The following HTR2A variants were observed in gnomAD, a reference collection of about 807,000 sequenced individuals.
The protein encoded by HTR2A is 5-hydroxytryptamine receptor 2A.
In HTR2A, 14 loss-of-function variants were observed where a neutral mutation model predicts 31.0. The observed-to-expected ratio is 0.45, with a 90% CI of 0.30 to 0.71. The LOEUF (loss-of-function observed/expected upper bound fraction) is 0.71, where lower values mean the gene tolerates loss of function less well. HTR2A is among the 30% of genes least tolerant of loss of function. The pLI is 0.09. For synonymous variants in HTR2A, 209 were observed against 225.2 expected (o/e 0.93, Z 0.64); for missense variants, 442 against 573.3 (o/e 0.77, Z 2.34).
chr13:46,831,610 T>A lies in HTR2A; in HGVS notation c.*3227A>T, dbSNP rs1412566048. On this transcript the variant is annotated 3_prime_UTR_variant, in exon 4 of 4. Transcript: ENST00000542664. ...TTCTTGAAAACTTTTAGCATCGCCT[T>A]GATTAAAATAAGTTCATAAAATAAT... 6.6e-6 allele frequency: 1 copy of A among 152,254 alleles called. No individual in the cohort carries two copies. Among genetic ancestry groups the A allele is most frequent in the Non-Finnish European group, 1.5e-5 (1 of 68,040 alleles). 9.4% of individuals were successfully genotyped at this position (152,254 alleles called of 1,614,324 possible).
chr13:46,839,489 C>T (rs1950583118), intron 3 of HTR2A, among the ~76,000 whole-genome samples: 1 of 152,166 alleles, frequency 6.6e-6, no homozygotes, highest in African/African-American at 2.4e-5. Context: ...ATCTCTAGGG[C>T]ATTAATTATC....
intron 3 of HTR2A, among the ~76,000 whole-genome samples, chr13:46,838,652 G>A (rs536964573): frequency 2.6e-5 from 4 of 152,118 alleles, no homozygotes; most frequent in Non-Finnish European, 2.9e-5. Context: ...GGGTGACGCC[G>A]GGTCTTAATC....
rs535930085 is a variant in HTR2A at position 46,858,742 on chromosome 13, C to T, written c.614-23103G>A. Among the ~76,000 whole-genome samples the T allele has an allele frequency of 3.3e-5, 5 of 152,238 alleles. No homozygotes were observed. In the South Asian group the frequency reaches 8.3e-4, roughly 25 times the overall value. On this transcript the variant is annotated intron_variant, in intron 3 of 3. Coordinates refer to ENST00000542664, the MANE Select transcript of HTR2A (RefSeq NM_000621.5). The stretch of plus-strand genomic sequence containing the variant: ...AGGGATACCGAGGTGGCAGAAATGA[C>T]AGCTATAGCCATGGACTAAATGTGG...
intron 3 of HTR2A, among the ~76,000 whole-genome samples, chr13:46,865,122 G>A (rs548311051): frequency 3.3e-5 from 5 of 152,078 alleles, no homozygotes; most frequent in South Asian, 2.1e-4. Flanking sequence ...TCCTTCCTCC[G>A]GATCTTGGTG....
chr13:46,845,881 G>A (rs1034020591), intron 3 of HTR2A, among the ~76,000 whole-genome samples: 3 of 152,138 alleles, frequency 2.0e-5, no homozygotes, highest in Non-Finnish European at 2.9e-5. Context: ...ATCAGACTGC[G>A]CACACAACAG....
At position 46,834,316 on chromosome 13, in the gene HTR2A, T is replaced by G. The variant is rs1343572147; in HGVS notation, c.*521A>C. On this transcript the variant is annotated 3_prime_UTR_variant, in exon 4 of 4. Coordinates refer to ENST00000542664, the MANE Select transcript of HTR2A (RefSeq NM_000621.5). ...GTATTTCATTTAATTATCTTAGCAA[T>G]ACAGATTTTATAACACTGACCTTAG... is the stretch of plus-strand genomic sequence containing the variant. 1.3e-5 allele frequency: 2 copies of G among 152,744 alleles called. No homozygotes were observed. The highest frequency in any genetic ancestry group is 6.5e-5 in the Admixed American group (1 of 15,280). The allele number at this position is 152,744 out of a possible 1,614,324, so 9.5% of individuals were successfully genotyped here. A position where few individuals can be genotyped will look rare whatever the true frequency, so the allele number is the denominator to read the frequency against.
In HTR2A at chr13:46,895,865, A is replaced by T; in HGVS notation, c.42T>A (p.Thr14=). ...CATTTAATTGCATTAGGGAGTTCGT[A>T]GTTGAGCTCAAAGAAGTATTTTCTT... The part of the protein sequence containing the change: ...LCEENTSLSS[T]TNSLMQLNDD... The change falls in exon 2 of 4, where the codon ACT becomes ACA. Residue 14 remains threonine, a synonymous_variant. Coordinates refer to ENST00000542664, the MANE Select transcript of HTR2A (RefSeq NM_000621.5). The surrounding 1 kb of genome is among the most constrained non-coding windows in gnomAD (Gnocchi z 4.4). The T allele has an allele frequency of 6.2e-7, 1 of 1,613,268 alleles. No homozygotes were observed.
chr13:46,870,918 A>C (rs1259176206), intron 3 of HTR2A, among the ~76,000 whole-genome samples: 1 of 152,172 alleles, frequency 6.6e-6, no homozygotes, highest in Non-Finnish European at 1.5e-5. Context: ...TTAGCTTAGG[A>C]ATTCAGTAGT....
At chr13:46,875,797 C>T (rs561444411) in intron 3 of HTR2A, among the ~76,000 whole-genome samples, 92 of 152,308 alleles carry the variant, frequency 6.0e-4, no homozygotes, top group African/African-American at 2.1e-3. Flanking sequence ...TCCAGGACTC[C>T]AAAGTGGCTC....
intron 3 of HTR2A, among the ~76,000 whole-genome samples, chr13:46,881,893 A>G (rs1035264600): frequency 1.3e-5 from 2 of 152,158 alleles, no homozygotes; most frequent in Non-Finnish European, 2.9e-5. Flanking sequence ...TATTTTTTCA[A>G]GCATTTTTTT....
intron 3 of HTR2A, chr13:46,856,301 G>A (rs1950737040): frequency 6.6e-6 from 1 of 152,096 alleles, no homozygotes; most frequent in Non-Finnish European, 1.5e-5. Context: ...TAGGTACAAT[G>A]TTTTATCTTT....
chr13:46,855,647 A>G lies in HTR2A; in HGVS notation c.614-20008T>C, dbSNP rs578136778. ...GCTTTCCCTCCCTAAAAAAGGCCTA[A>G]GGTGGGATGGCCAGCAGGGCAGGTG... is the stretch of plus-strand genomic sequence containing the variant. On this transcript the variant is annotated intron_variant, in intron 3 of 3. Coordinates refer to ENST00000542664, the MANE Select transcript of HTR2A (RefSeq NM_000621.5). 7.4e-4 allele frequency among the ~76,000 whole-genome samples: 113 copies of G among 152,314 alleles called. 1 individual carries two copies. The highest frequency in any genetic ancestry group is 2.5e-3 in the Admixed American group (39 of 15,300).
chr13:46,842,370 G>A (rs1950605549), intron 3 of HTR2A, among the ~76,000 whole-genome samples: 1 of 152,150 alleles, frequency 6.6e-6, no homozygotes, highest in Non-Finnish European at 1.5e-5. Flanking sequence ...AGATTTTGGA[G>A]TGATTCTCTC....
At chr13:46,844,234 TAGTAA>T in intron 3 of HTR2A, among the ~76,000 whole-genome samples, 1 of 152,312 alleles carries the variant, frequency 6.6e-6, no homozygotes, top group South Asian at 2.1e-4. Flanking sequence ...ACTTAGAGCT[TAGTAA>T]ATGCTTGTGG....
chr13:46,881,948 C>A (rs1012208869), intron 3 of HTR2A, among the ~76,000 whole-genome samples: 1 of 152,014 alleles, frequency 6.6e-6, no homozygotes, highest in Non-Finnish European at 1.5e-5. Flanking sequence ...TGCTGTCATT[C>A]CTCTTGGACC....
intron 2 of HTR2A, among the ~76,000 whole-genome samples, chr13:46,893,938 AG>A (rs1951076746): frequency 6.6e-6 from 1 of 152,268 alleles, no homozygotes. Context: ...CCTAATTTAC[AG>A]CCATTCACAT....
At chr13:46,842,084 C>A (rs1413136162) in intron 3 of HTR2A, among the ~76,000 whole-genome samples, 1 of 152,040 alleles carries the variant, frequency 6.6e-6, no homozygotes, top group Non-Finnish European at 1.5e-5. Flanking sequence ...ATCAATGATA[C>A]AATTATGATT....
chr13:46,894,296 C>G (rs1290155113), intron 2 of HTR2A, among the ~76,000 whole-genome samples: 1 of 152,148 alleles, frequency 6.6e-6, no homozygotes, highest in Non-Finnish European at 1.5e-5. Context: ...CACCCTCCAG[C>G]CTCTGTTTTG....
At chr13:46,864,313 C>T (rs773329548) in intron 3 of HTR2A, among the ~76,000 whole-genome samples, 1 of 152,104 alleles carries the variant, frequency 6.6e-6, no homozygotes, top group Non-Finnish European at 1.5e-5. Context: ...TGCTTAATAC[C>T]TGGGTGATGA....
Sources: allele counts gnomAD v4.1 joint callset (sites outside exome capture counted in the v4.1 genomes callset), GRCh38; gene constraint gnomAD v4.1.1; non-coding constraint Gnocchi (gnomAD v3.1); transcripts MANE v1.5; gene names NCBI Gene and HGNC (gene_info 2026-07-23, HGNC 2026-07-21).